XKR9: variants seen among roughly 807,000 people sequenced by gnomAD.
XKR9 encodes XK related 9.
XKR9 carries 32 observed loss-of-function variants against 32.0 expected under a neutral mutation model. The observed-to-expected ratio is 1.00, with a 90% CI of 0.76 to 1.34. The LOEUF is 1.34. Among genes scored for constraint, XKR9 ranks in the 40% most tolerant of loss-of-function variants. The pLI is 0.00. For synonymous variants in XKR9, 168 were observed against 143.4 expected (o/e 1.17, Z -1.22); for missense variants, 546 against 429.7 (o/e 1.27, Z -2.39).
chr8:70,799,578 C>T, the XKR9 span, among the ~76,000 whole-genome samples: 6 of 152,158 alleles, frequency 3.9e-5, no homozygotes, highest in South Asian at 2.1e-4. Flanking sequence ...GAGATCTGCC[C>T]GCTTCAGCCT....
intron 2 of XKR9, among the ~76,000 whole-genome samples, chr8:70,758,788 A>T (rs1807265596): frequency 6.6e-6 from 1 of 152,200 alleles, no homozygotes; most frequent in Non-Finnish European, 1.5e-5. Flanking sequence ...CAGTGTTTAT[A>T]TTATCATCAA....
the XKR9 span, among the ~76,000 whole-genome samples, chr8:70,870,480 C>T: frequency 3.4e-3 from 517 of 152,264 alleles, 3 homozygotes; most frequent in Middle Eastern, 0.02. Context: ...ATTGGTGGGA[C>T]TTTTTCTTTG....
chr8:70,694,137 A>G (rs1466882237), intron 3 of XKR9, among the ~76,000 whole-genome samples: 1 of 152,194 alleles, frequency 6.6e-6, no homozygotes, highest in Non-Finnish European at 1.5e-5. Context: ...AGGTGTTACC[A>G]GTGAAGGCTG....
At chr8:70,830,879 T>C in the XKR9 span, among the ~76,000 whole-genome samples, 1 of 152,180 alleles carries the variant, frequency 6.6e-6, no homozygotes, top group Non-Finnish European at 1.5e-5. Context: ...AACTAGTAAA[T>C]GACAGAGTTT....
intron 3 of XKR9, among the ~76,000 whole-genome samples, chr8:70,699,055 T>C (rs1412997890): frequency 6.6e-6 from 1 of 152,144 alleles, no homozygotes; most frequent in African/African-American, 2.4e-5. Flanking sequence ...TCCTCCATCC[T>C]TTTATTTTGA....
chr8:70,866,686 A>G, the XKR9 span, among the ~76,000 whole-genome samples: 2 of 151,508 alleles, frequency 1.3e-5, no homozygotes, highest in Admixed American at 6.6e-5. Context: ...GGGTTTCACC[A>G]TGTTGGCCAG....
the XKR9 span, among the ~76,000 whole-genome samples, chr8:71,015,542 T>C: frequency 6.6e-6 from 1 of 152,206 alleles, no homozygotes; most frequent in Non-Finnish European, 1.5e-5. Context: ...TGTATTGTGC[T>C]TTCTGTCATT....
the XKR9 span, among the ~76,000 whole-genome samples, chr8:71,060,423 A>G: frequency 1.3e-5 from 2 of 152,190 alleles, no homozygotes; most frequent in African/African-American, 2.4e-5. Flanking sequence ...ATCCCTTTAC[A>G]GTGCTTATCT....
the XKR9 span, among the ~76,000 whole-genome samples, chr8:70,810,664 A>G: frequency 4.6e-5 from 7 of 152,324 alleles, no homozygotes; most frequent in East Asian, 1.3e-3. Context: ...AACAGAATTT[A>G]AACCCACAAA....
chr8:70,841,355 T>G, the XKR9 span, among the ~76,000 whole-genome samples: 1 of 152,236 alleles, frequency 6.6e-6, no homozygotes, highest in African/African-American at 2.4e-5. Context: ...AATCACAGTT[T>G]GGTTTTATAC....
chr8:70,795,982 G>A, the XKR9 span, among the ~76,000 whole-genome samples: 4 of 151,892 alleles, frequency 2.6e-5, no homozygotes, highest in African/African-American at 9.7e-5. Flanking sequence ...TTTGGTACTA[G>A]ACCTTTCTTT....
At chr8:71,051,096 C>A in the XKR9 span, among the ~76,000 whole-genome samples, 1 of 151,600 alleles carries the variant, frequency 6.6e-6, no homozygotes, top group African/African-American at 2.4e-5. Flanking sequence ...CAAGAAATGA[C>A]CCCAAGGCAA....
At chr8:70,826,861 T>C in the XKR9 span, among the ~76,000 whole-genome samples, 468 of 149,098 alleles carry the variant, frequency 3.1e-3, 4 homozygotes, top group African/African-American at 0.011. Context: ...TCATATTCTA[T>C]TTTAAGTGTA....
At chr8:71,053,703 C>A in the XKR9 span, among the ~76,000 whole-genome samples, 1 of 152,150 alleles carries the variant, frequency 6.6e-6, no homozygotes. Flanking sequence ...AGAGGTTATT[C>A]AGTTGAAAGA....
chr8:70,953,123 G>A, the XKR9 span, among the ~76,000 whole-genome samples: 3 of 152,186 alleles, frequency 2.0e-5, no homozygotes, highest in East Asian at 5.8e-4. Flanking sequence ...GCAAACTAAT[G>A]CTTTTAAGCA....
At chr8:70,769,958 T>C (rs1168344802) in intron 2 of XKR9, among the ~76,000 whole-genome samples, 1 of 152,058 alleles carries the variant, frequency 6.6e-6, no homozygotes, top group Admixed American at 6.6e-5. Flanking sequence ...TCAAACTCAT[T>C]CTCCATCCAG....
At chr8:70,890,221 T>G in the XKR9 span, among the ~76,000 whole-genome samples, 1 of 151,888 alleles carries the variant, frequency 6.6e-6, no homozygotes, top group Non-Finnish European at 1.5e-5. Flanking sequence ...GCTTTTAGAG[T>G]TTTCTATATA....
intron 2 of XKR9, among the ~76,000 whole-genome samples, chr8:70,747,721 G>A (rs1164347785): frequency 6.6e-6 from 1 of 152,156 alleles, no homozygotes; most frequent in Non-Finnish European, 1.5e-5. Flanking sequence ...ACCTTTCTGA[G>A]TAGCCTTAAT....
chr8:71,015,346 T>TC, the XKR9 span, among the ~76,000 whole-genome samples: 1 of 152,154 alleles, frequency 6.6e-6, no homozygotes, highest in East Asian at 1.9e-4. Context: ...TCCCTTAACT[T>TC]CCCAGGTTGC....
Sources: gnomAD v4.1 joint callset for allele counts (sites outside exome capture counted in the v4.1 genomes callset) on GRCh38, gnomAD v4.1.1 for gene constraint, MANE v1.5 for transcripts, NCBI Gene and HGNC (gene_info 2026-07-23, HGNC 2026-07-21) for gene names.